Variants in SGCD observed in about 807,000 individuals in gnomAD.
SGCD encodes delta-sarcoglycan.
Under a neutral mutation model 36.6 loss-of-function variants are expected in SGCD, and 18 were observed. The observed-to-expected ratio is 0.49, with a 90% confidence interval of 0.34 to 0.73. The LOEUF is 0.73. Ranked by LOEUF, SGCD falls within the 30% of genes least tolerant of loss-of-function variation. The pLI is 0.01. For missense variants in SGCD, 387 were observed against 346.7 expected, an observed-to-expected ratio of 1.12 and a Z score of -0.92; for synonymous variants, 133 against 130.6, an observed-to-expected ratio of 1.02 and a Z score of -0.12.
the SGCD span, among the ~76,000 whole-genome samples, chr5:155,863,010 C>A: frequency 6.6e-6 from 1 of 152,172 alleles, no homozygotes; most frequent in South Asian, 2.1e-4. Flanking sequence ...ATCAGAGAAG[C>A]AGTGCATTCT....
At chr5:156,158,946 G>A (rs904216944) in intron 3 of SGCD, among the ~76,000 whole-genome samples, 18 of 151,260 alleles carry the variant, frequency 1.2e-4, no homozygotes, top group Admixed American at 9.2e-4. Flanking sequence ...ACTTAGATAT[G>A]AGTGATACAC....
At chr5:156,740,161 AGCCAATATCATGTTCTTAAAGTT>A (rs1261614788) in intron 7 of SGCD, among the ~76,000 whole-genome samples, 2 of 152,240 alleles carry the variant, frequency 1.3e-5, no homozygotes, top group East Asian at 3.8e-4. Context: ...ACATGATGGT[AGCCAATATCATGTTCTTAAAGTT>A]GCCTGGCATT....
chr5:156,712,377 T>C (rs559204235), intron 7 of SGCD, among the ~76,000 whole-genome samples: 7 of 152,218 alleles, frequency 4.6e-5, no homozygotes, highest in Admixed American at 1.3e-4. Context: ...GCTGTTGGTA[T>C]AGAGAGTGTT....
At chr5:156,072,491 G>C (rs1046087796) in intron 1 of SGCD, among the ~76,000 whole-genome samples, 1 of 151,800 alleles carries the variant, frequency 6.6e-6, no homozygotes, top group Non-Finnish European at 1.5e-5. Context: ...AGTTTCTGCC[G>C]AGAGATCCGC....
chr5:155,888,086 C>A (rs929794034), intron 1 of SGCD, among the ~76,000 whole-genome samples: 7 of 152,196 alleles, frequency 4.6e-5, no homozygotes, highest in African/African-American at 1.2e-4. Flanking sequence ...ATTCTGCAAC[C>A]AAATTCAGTC....
rs572583596 is a variant in SGCD at position 156,565,483 on chromosome 5, T to C, written c.295-23748T>C. On this transcript the variant is annotated intron_variant, in intron 4 of 8. Coordinates refer to ENST00000337851, the MANE Select transcript of SGCD (RefSeq NM_000337.6). ...CAAATTACATAAATCAAAGTAATTG[T>C]TCACTACAATTAATCTTTTGGGGGG... Among the ~76,000 whole-genome samples, 67 of 152,322 alleles carry C rather than the reference T, an allele frequency of 4.4e-4. 1 individual carries two copies. Among genetic ancestry groups the C allele is most frequent in the Non-Finnish European group, 7.5e-4 (51 of 68,034 alleles).
At chr5:156,359,412 C>A (rs1769661296) in intron 3 of SGCD, among the ~76,000 whole-genome samples, 1 of 152,150 alleles carries the variant, frequency 6.6e-6, no homozygotes. Flanking sequence ...TAACATAGAA[C>A]ATATTATCTA....
At chr5:156,425,278 G>C (rs1773624246) in intron 3 of SGCD, among the ~76,000 whole-genome samples, 1 of 151,962 alleles carries the variant, frequency 6.6e-6, no homozygotes, top group South Asian at 2.1e-4. Flanking sequence ...TTCAGAAGAG[G>C]AGTCAGGATG....
chr5:156,417,016 T>G (rs908083837), intron 3 of SGCD, among the ~76,000 whole-genome samples: 2 of 152,202 alleles, frequency 1.3e-5, no homozygotes, highest in Admixed American at 6.5e-5. Context: ...AGATTTTCTT[T>G]GCCAAGAAAC....
the SGCD span, among the ~76,000 whole-genome samples, chr5:155,795,586 TA>T: frequency 1.3e-5 from 2 of 152,092 alleles, no homozygotes; most frequent in African/African-American, 4.8e-5. Flanking sequence ...TAAAAGAGAA[TA>T]AATATGAACA....
At chr5:156,474,356 C>A (rs1301474581) in intron 3 of SGCD, among the ~76,000 whole-genome samples, 1 of 152,200 alleles carries the variant, frequency 6.6e-6, no homozygotes, top group East Asian at 1.9e-4. Context: ...CCCAGGCACT[C>A]TAGGCTGTGC....
chr5:156,194,949 C>T (rs2127634237), intron 3 of SGCD, among the ~76,000 whole-genome samples: 2 of 152,150 alleles, frequency 1.3e-5, no homozygotes, highest in Admixed American at 1.3e-4. Flanking sequence ...TCAATAATAG[C>T]TGTGGCATTG....
At chr5:156,147,444 C>T (rs1762730749) in intron 3 of SGCD, among the ~76,000 whole-genome samples, 1 of 152,166 alleles carries the variant, frequency 6.6e-6, no homozygotes, top group South Asian at 2.1e-4. Context: ...ATCTGGTTTT[C>T]CCTGGCTGTT....
At chr5:156,000,585 T>C (rs1247792928) in intron 1 of SGCD, among the ~76,000 whole-genome samples, 1 of 152,088 alleles carries the variant, frequency 6.6e-6, no homozygotes, top group African/African-American at 2.4e-5. Context: ...ACAAGAAGCA[T>C]AAAATCTGCC....
intron 1 of SGCD, among the ~76,000 whole-genome samples, chr5:156,070,878 G>T (rs1760530921): frequency 1.3e-5 from 2 of 152,154 alleles, no homozygotes; most frequent in Non-Finnish European, 2.9e-5. Context: ...ATGTGATGAG[G>T]AATTTATCCA....
At chr5:156,422,696 G>T (rs1008375395) in intron 3 of SGCD, among the ~76,000 whole-genome samples, 1 of 151,988 alleles carries the variant, frequency 6.6e-6, no homozygotes, top group Admixed American at 6.6e-5. Context: ...TAACTCTGTT[G>T]TGGTACATAT....
chr5:156,548,698 T>C (rs371852425), intron 4 of SGCD, among the ~76,000 whole-genome samples: 5 of 152,290 alleles, frequency 3.3e-5, no homozygotes, highest in African/African-American at 1.2e-4. Context: ...TGAGGCAATG[T>C]GTGCAGAGTG....
the SGCD span, among the ~76,000 whole-genome samples, chr5:155,732,269 A>G: frequency 6.6e-6 from 1 of 152,218 alleles, no homozygotes; most frequent in South Asian, 2.1e-4. Flanking sequence ...AGACTTTGAG[A>G]AATTATATAA....
intron 3 of SGCD, among the ~76,000 whole-genome samples, chr5:156,249,901 T>C (rs1471363049): frequency 1.3e-5 from 2 of 152,208 alleles, no homozygotes; most frequent in Non-Finnish European, 2.9e-5. Context: ...GAGAAAATTA[T>C]AATGGAAAAG....
Sources: allele counts gnomAD v4.1 joint callset (sites outside exome capture counted in the v4.1 genomes callset), GRCh38; gene constraint gnomAD v4.1.1; transcripts MANE v1.5; gene names NCBI Gene and HGNC (gene_info 2026-07-23, HGNC 2026-07-21).